The following MRPS27 variants were observed in gnomAD, a reference collection of about 807,000 sequenced individuals.
MRPS27 encodes small ribosomal subunit protein mS27.
In MRPS27, 43 loss-of-function variants were observed where a neutral mutation model predicts 48.9. That is an observed-to-expected ratio of 0.88 (90% CI 0.69 to 1.13). The LOEUF (loss-of-function observed/expected upper bound fraction) is 1.13, where lower values mean the gene tolerates loss of function less well. Among genes scored for constraint, MRPS27 ranks in the 50% most tolerant of loss-of-function variants. MRPS27 has a pLI of 0.00. For missense variants in MRPS27, 467 were observed against 476.3 expected (o/e 0.98, Z 0.18); for synonymous variants, 188 against 171.9 (o/e 1.09, Z -0.73).
intron 4 of MRPS27, among the ~76,000 whole-genome samples, chr5:72,242,029 A>G (rs1748365255): frequency 1.3e-5 from 2 of 152,212 alleles, no homozygotes; most frequent in South Asian, 4.1e-4. Flanking sequence ...TACACTTACA[A>G]TTCTGAGGAA....
chr5:72,223,845 A>G lies in MRPS27; in HGVS notation c.843T>C (p.Asp281=), dbSNP rs761586667. The change falls in exon 10 of 11, where the codon GAT becomes GAC. Residue 281 remains aspartate, a synonymous_variant. Coordinates refer to ENST00000261413, the MANE Select transcript of MRPS27 (RefSeq NM_015084.3). ...EDIKLCREAL[D]VLGAVLKALT... is the part of the protein sequence containing the mutation. ...GAGCCTTCAGCACTGCACCCAGCAC[A>G]TCGAGCTGTGGAGCAGAAAGAGGGT... 2 of 1,613,346 alleles carry G rather than the reference A, an allele frequency of 1.2e-6. No individual in the cohort carries two copies. The highest frequency in any genetic ancestry group is 1.3e-5 in the African/African-American group (1 of 74,886).
chr5:72,301,735 T>C (rs1750131050), intron 2 of MRPS27, among the ~76,000 whole-genome samples: 1 of 152,246 alleles, frequency 6.6e-6, no homozygotes, highest in African/African-American at 2.4e-5. Flanking sequence ...GAATAACATT[T>C]GCATTTTCCA....
At chr5:72,256,323 A>G (rs1241737712) in intron 4 of MRPS27, among the ~76,000 whole-genome samples, 1 of 152,262 alleles carries the variant, frequency 6.6e-6, no homozygotes, top group South Asian at 2.1e-4. Flanking sequence ...AAGACATTTC[A>G]AAATTTTAAA....
intron 4 of MRPS27, among the ~76,000 whole-genome samples, chr5:72,268,642 GTCAT>G (rs1374896914): frequency 6.6e-6 from 1 of 152,192 alleles, no homozygotes; most frequent in African/African-American, 2.4e-5. Flanking sequence ...AAGGTCTTCT[GTCAT>G]TCATTAACTG....
intron 4 of MRPS27, chr5:72,295,235 G>C (rs969890623): frequency 4.7e-6 from 1 of 212,494 alleles, no homozygotes. Flanking sequence ...ATATACTCAT[G>C]AAAATTAGGT....
At chr5:72,255,750 CCA>C (rs915500066) in intron 4 of MRPS27, among the ~76,000 whole-genome samples, 3 of 152,162 alleles carry the variant, frequency 2.0e-5, no homozygotes, top group African/African-American at 7.2e-5. Context: ...TCTCAAGATC[CCA>C]CAGTTAATAC....
intron 1 of MRPS27, chr5:72,314,384 T>C: frequency 2.7e-6 from 1 of 367,014 alleles, no homozygotes; most frequent in South Asian, 4.9e-5. Context: ...TTCACAATAA[T>C]TTTTTAAATA....
At chr5:72,229,511 T>C (rs1747995418) in intron 7 of MRPS27, 1 of 152,142 alleles carries the variant, frequency 6.6e-6, no homozygotes, top group South Asian at 2.1e-4. Flanking sequence ...AAGTTTGATT[T>C]TCCCCACCTA....
chr5:72,236,128 C>T (rs566144971), intron 5 of MRPS27, among the ~76,000 whole-genome samples: 1 of 152,216 alleles, frequency 6.6e-6, no homozygotes, highest in African/African-American at 2.4e-5. Flanking sequence ...GTTTTCTCCC[C>T]TATACTGTGA....
chr5:72,254,365 G>GCA (rs937727071), intron 4 of MRPS27, among the ~76,000 whole-genome samples: 3 of 151,870 alleles, frequency 2.0e-5, no homozygotes, highest in African/African-American at 7.3e-5. Flanking sequence ...GTGGTGGTGT[G>GCA]CACACACACA....
At chr5:72,260,431 T>A (rs2112000026) in intron 4 of MRPS27, among the ~76,000 whole-genome samples, 1 of 152,364 alleles carries the variant, frequency 6.6e-6, no homozygotes, top group South Asian at 2.1e-4. Flanking sequence ...TTTTTCCTAC[T>A]GTTTTATTTA....
intron 4 of MRPS27, among the ~76,000 whole-genome samples, chr5:72,266,744 C>T: frequency 6.6e-6 from 1 of 152,150 alleles, no homozygotes; most frequent in East Asian, 1.9e-4. Flanking sequence ...CCTGTAGTCA[C>T]AGCTACTCGG....
intron 4 of MRPS27, among the ~76,000 whole-genome samples, chr5:72,259,468 C>CAAAAA (rs11286212): frequency 1.6e-5 from 2 of 127,826 alleles, no homozygotes; most frequent in African/African-American, 2.8e-5. Context: ...AACTTCGTCT[C>CAAAAA]AAAAAAAAAA....
intron 4 of MRPS27, among the ~76,000 whole-genome samples, chr5:72,292,003 T>C (rs966358684): frequency 6.6e-5 from 10 of 152,260 alleles, no homozygotes; most frequent in African/African-American, 2.4e-4. Context: ...ACTATACATA[T>C]CGTATAAAGT....
At chr5:72,252,338 T>TC in intron 4 of MRPS27, among the ~76,000 whole-genome samples, 1 of 151,466 alleles carries the variant, frequency 6.6e-6, no homozygotes, top group East Asian at 1.9e-4. Flanking sequence ...GCTTTTTTTT[T>TC]CTGAGCATTT....
chr5:72,255,003 C>T (rs551178170), intron 4 of MRPS27, among the ~76,000 whole-genome samples: 3 of 148,906 alleles, frequency 2.0e-5, no homozygotes, highest in South Asian at 2.1e-4. Flanking sequence ...TACCCTACCA[C>T]ATCTAAAATG....
chr5:72,266,911 A>G (rs1749119858), intron 4 of MRPS27, among the ~76,000 whole-genome samples: 1 of 152,156 alleles, frequency 6.6e-6, no homozygotes, highest in African/African-American at 2.4e-5. Flanking sequence ...AGGTTCATGA[A>G]TCTTTTCTCA....
chr5:72,291,958 A>T (rs1419738761), intron 4 of MRPS27, among the ~76,000 whole-genome samples: 1 of 152,250 alleles, frequency 6.6e-6, no homozygotes, highest in Non-Finnish European at 1.5e-5. Context: ...GTGCAAGAGC[A>T]CACCTATGCC....
intron 2 of MRPS27, among the ~76,000 whole-genome samples, chr5:72,309,672 A>C (rs1750385572): frequency 6.6e-6 from 1 of 152,152 alleles, no homozygotes; most frequent in South Asian, 2.1e-4. Flanking sequence ...AAGACACCAA[A>C]CCTAGTGGCC....
Sources: gnomAD v4.1 joint callset for allele counts (sites outside exome capture counted in the v4.1 genomes callset) on GRCh38, gnomAD v4.1.1 for gene constraint, MANE v1.5 for transcripts, NCBI Gene and HGNC (gene_info 2026-07-23, HGNC 2026-07-21) for gene names.